Variants in SLC25A48 observed in about 807,000 individuals in gnomAD.
SLC25A48 encodes CTC-321K16.1.
SLC25A48 carries 29 observed loss-of-function variants against 32.2 expected under a neutral mutation model. The observed-to-expected ratio is 0.90, with a 90% CI of 0.67 to 1.23. The LOEUF is 1.23. Ranked by LOEUF, SLC25A48 falls within the 50% of genes most tolerant of loss-of-function variation. The probability of loss-of-function intolerance (pLI) is 0.00; values close to 1 mark genes in which losing one functional copy is unlikely to be tolerated. For synonymous variants in SLC25A48, 164 were observed against 172.3 expected (o/e 0.95, Z 0.38); for missense variants, 399 against 422.7 (o/e 0.94, Z 0.49).
At chr5:135,873,345 A>C (rs748502748) in intron 5 of SLC25A48, among the ~76,000 whole-genome samples, 1 of 152,178 alleles carries the variant, frequency 6.6e-6, no homozygotes, top group African/African-American at 2.4e-5. Flanking sequence ...ATAACCTGGC[A>C]TTGTTTTCCT....
In SLC25A48 at chr5:135,871,648, T is replaced by A; in HGVS notation, c.609T>A (p.Ser203Arg). Residue 203 changes from serine to arginine, a missense_variant, in exon 5 of 8, where the codon AGT (serine) becomes AGA (arginine). Transcript: ENST00000681962. ...CLYFIPYVFL[S>R]EWITPEACTG... ...ACTTCATCCCCTACGTGTTCCTGAG[T>A]GAGTGGATCACACCTGAGGCCTGCA... The A allele has an allele frequency of 6.2e-7, 1 of 1,614,086 alleles. No homozygotes were observed. Among genetic ancestry groups the A allele is most frequent in the Non-Finnish European group, 8.5e-7 (1 of 1,179,996 alleles).
intron 3 of SLC25A48, among the ~76,000 whole-genome samples, chr5:135,683,870 T>C (rs1753957910): frequency 6.6e-6 from 1 of 152,128 alleles, no homozygotes; most frequent in African/African-American, 2.4e-5. Context: ...AGAATGTCCC[T>C]GTGAGTTTTG....
intron 3 of SLC25A48, among the ~76,000 whole-genome samples, chr5:135,711,862 T>C (rs1311724471): frequency 6.6e-6 from 1 of 151,766 alleles, no homozygotes; most frequent in Non-Finnish European, 1.5e-5. Flanking sequence ...CAGCTGCCAC[T>C]TCCATAGACC....
At chr5:135,688,447 T>C (rs1409513090) in intron 3 of SLC25A48, among the ~76,000 whole-genome samples, 2 of 152,214 alleles carry the variant, frequency 1.3e-5, no homozygotes, top group Non-Finnish European at 1.5e-5. Flanking sequence ...TTTCACTGCA[T>C]GAATGTCTAT....
At chr5:135,633,325 C>T (rs889219398) in intron 2 of SLC25A48, among the ~76,000 whole-genome samples, 1 of 151,970 alleles carries the variant, frequency 6.6e-6, no homozygotes, top group Non-Finnish European at 1.5e-5. Context: ...TGTTGAAGCT[C>T]TAATCCCAAA....
intron 3 of SLC25A48, among the ~76,000 whole-genome samples, chr5:135,803,705 A>G (rs946958241): frequency 1.7e-4 from 26 of 151,542 alleles, no homozygotes; most frequent in Non-Finnish European, 3.3e-4. Flanking sequence ...TCTCCCTAGG[A>G]TATTATGAAT....
chr5:135,732,396 C>T (rs34790599), intron 3 of SLC25A48, among the ~76,000 whole-genome samples: 41,202 of 151,990 alleles, frequency 0.27, 5,815 homozygotes, highest in East Asian at 0.45. Context: ...GTGGGAAATG[C>T]CTCTACCTAT....
intron 3 of SLC25A48, among the ~76,000 whole-genome samples, chr5:135,786,022 G>A (rs1020156523): frequency 1.3e-5 from 2 of 151,618 alleles, no homozygotes; most frequent in Non-Finnish European, 2.9e-5. Flanking sequence ...TGGGGGAGAC[G>A]GTGGTATTTC....
At chr5:135,854,483 T>G (rs1760149227) in intron 4 of SLC25A48, among the ~76,000 whole-genome samples, 4 of 152,244 alleles carry the variant, frequency 2.6e-5, no homozygotes, top group Admixed American at 2.6e-4. Flanking sequence ...ACCTTGCACT[T>G]TTATGTTGTG....
chr5:135,581,267 A>C (rs1017058057), intron 1 of SLC25A48, among the ~76,000 whole-genome samples: 1 of 152,206 alleles, frequency 6.6e-6, no homozygotes, highest in African/African-American at 2.4e-5. Flanking sequence ...TCCTTGCTGG[A>C]CATTTGGATT....
intron 3 of SLC25A48, among the ~76,000 whole-genome samples, chr5:135,724,763 A>T (rs1304008892): frequency 6.6e-6 from 1 of 152,238 alleles, no homozygotes; most frequent in Non-Finnish European, 1.5e-5. Flanking sequence ...CTGCATTTGA[A>T]ATGGAAGGAG....
intron 1 of SLC25A48, among the ~76,000 whole-genome samples, chr5:135,580,937 G>A (rs1178742551): frequency 6.6e-6 from 1 of 152,142 alleles, no homozygotes; most frequent in Non-Finnish European, 1.5e-5. Context: ...TCCCTTAATG[G>A]TTTCATCTGA....
intron 1 of SLC25A48, among the ~76,000 whole-genome samples, chr5:135,622,767 G>T (rs1752354703): frequency 6.6e-6 from 1 of 152,158 alleles, no homozygotes; most frequent in Non-Finnish European, 1.5e-5. Context: ...CATTTGTAAT[G>T]ATAACATGTT....
chr5:135,879,316 C>T (rs1279103981), intron 6 of SLC25A48, among the ~76,000 whole-genome samples: 1 of 152,106 alleles, frequency 6.6e-6, no homozygotes, highest in Non-Finnish European at 1.5e-5. Context: ...GCCTGAAAAG[C>T]CTCATCTCAT....
Position 135,740,807 on chromosome 5 carries a change from TAAGAACTCATTCTTGGCATTC to T in SLC25A48, c.-520-71714_-520-71694del, listed in dbSNP as rs1755484765. Among the ~76,000 whole-genome samples the T allele has an allele frequency of 2.6e-5, 4 of 152,206 alleles. No homozygotes were observed. In the South Asian group the frequency reaches 8.3e-4, roughly 31 times the overall value. On this transcript the variant is annotated intron_variant, in intron 3 of 10. Coordinates refer to the SLC25A48 transcript ENST00000646290. ...CCAGCCCTGCTCAGCTGGAATTGTC[TAAGAACTCATTCTTGGCATTC>T]ACTGCAAGCTGTAAACTCTGCATGC... is the stretch of plus-strand genomic sequence containing the variant.
chr5:135,706,142 G>C (rs1174599148), intron 3 of SLC25A48, among the ~76,000 whole-genome samples: 1 of 152,202 alleles, frequency 6.6e-6, no homozygotes, highest in Non-Finnish European at 1.5e-5. Context: ...CCTGGCACCT[G>C]GGTAAACATA....
Position 135,783,904 on chromosome 5 carries a change from T to C in SLC25A48, c.-520-28619T>C, listed in dbSNP as rs1179584706. The stretch of plus-strand genomic sequence containing the variant: ...TATTCAGGTGGGGAGAAAATGATAT[T>C]ATTCCCAATATTGCAAGGAGTGTAC... On this transcript the variant is annotated intron_variant, in intron 3 of 10. Coordinates refer to the SLC25A48 transcript ENST00000646290. Among the ~76,000 whole-genome samples, 9 of 118,512 alleles carry C rather than the reference T, an allele frequency of 7.6e-5. 2 individuals are homozygous for C. Among genetic ancestry groups the C allele is most frequent in the African/African-American group, 2.3e-4 (9 of 38,974 alleles). The allele number at this position is 118,512 out of a possible 152,430, so 77.7% of individuals were successfully genotyped here. A position where few individuals can be genotyped will look rare whatever the true frequency, so the allele number is the denominator to read the frequency against.
At chr5:135,755,601 G>T (rs1230346938) in intron 3 of SLC25A48, among the ~76,000 whole-genome samples, 1 of 151,680 alleles carries the variant, frequency 6.6e-6, no homozygotes, top group Non-Finnish European at 1.5e-5. Context: ...ACCATATGTA[G>T]CGTCAACGCA....
At chr5:135,601,696 C>G (rs1037002485) in intron 1 of SLC25A48, among the ~76,000 whole-genome samples, 1 of 152,232 alleles carries the variant, frequency 6.6e-6, no homozygotes, top group African/African-American at 2.4e-5. Context: ...CAGTGAGCTG[C>G]TCATCTGGAC....
Sources: gnomAD v4.1 joint callset for allele counts (sites outside exome capture counted in the v4.1 genomes callset) on GRCh38, gnomAD v4.1.1 for gene constraint, MANE v1.5 for transcripts, NCBI Gene and HGNC (gene_info 2026-07-23, HGNC 2026-07-21) for gene names.